The following GAS7 variants were observed in gnomAD, a reference collection of about 807,000 sequenced individuals.
GAS7 encodes the protein growth arrest-specific protein 7.
GAS7 carries 28 observed loss-of-function variants against 71.1 expected under a neutral mutation model. The ratio of observed to expected loss-of-function variants is 0.39; its 90% confidence interval spans 0.29 to 0.54. The LOEUF (loss-of-function observed/expected upper bound fraction) is 0.54, where lower values mean the gene tolerates loss of function less well. GAS7 is among the 20% of genes least tolerant of loss of function. The pLI is 0.62. For missense variants in GAS7, 436 were observed against 627.8 expected (o/e 0.69, Z 3.27); for synonymous variants, 258 against 245.8 (o/e 1.05, Z -0.46).
Position 9,919,607 on chromosome 17 carries a change from C to T in GAS7, c.1218+19G>A, listed in dbSNP as rs753186379. 5.0e-5 allele frequency: 80 copies of T among 1,587,976 alleles called. No homozygotes were observed. Among genetic ancestry groups the T allele is most frequent in the Non-Finnish European group, 6.7e-5 (77 of 1,156,234 alleles). On this transcript the variant is annotated intron_variant, in intron 12 of 13. Coordinates refer to ENST00000432992, the MANE Select transcript of GAS7 (RefSeq NM_201433.2). This position sits in a 1 kb window ranked among gnomAD's most constrained non-coding sequence, Gnocchi z 5.0. ...GTCAGCCTCTGTACTGCCATGTCCA[C>T]ACATCCCTGCCCGCTTACCAATGTG... is the stretch of plus-strand genomic sequence containing the variant.
chr17:10,130,322 TATGA>T (rs2073986616), intron 1 of GAS7, among the ~76,000 whole-genome samples: 1 of 137,584 alleles, frequency 7.3e-6, no homozygotes, highest in African/African-American at 2.7e-5. Context: ...CTAGAACAGC[TATGA>T]TTTAAAAAAA....
intron 2 of GAS7, among the ~76,000 whole-genome samples, chr17:9,988,366 C>A (rs1258756920): frequency 6.6e-6 from 1 of 152,204 alleles, no homozygotes; most frequent in Non-Finnish European, 1.5e-5. Context: ...GTCCTCCAAG[C>A]GAGCCCCATT....
chr17:9,930,256 A>C (rs6503273), intron 9 of GAS7, among the ~76,000 whole-genome samples: 53,827 of 152,054 alleles, frequency 0.35, 9,991 homozygotes, highest in Non-Finnish European at 0.42. Context: ...ATACCTACAG[A>C]CAGGTTCTGA....
chr17:10,069,009 G>A (rs1597771341), intron 1 of GAS7, among the ~76,000 whole-genome samples: 1 of 152,074 alleles, frequency 6.6e-6, no homozygotes, highest in South Asian at 2.1e-4. Context: ...TGGTCATGTA[G>A]GCATCCCCTG....
intron 2 of GAS7, among the ~76,000 whole-genome samples, chr17:9,995,358 C>T (rs1165625207): frequency 6.6e-6 from 1 of 151,838 alleles, no homozygotes; most frequent in African/African-American, 2.4e-5. Flanking sequence ...TGTGTATATG[C>T]ATGTAGATAA....
chr17:9,920,830 C>T (rs948640230), intron 11 of GAS7, among the ~76,000 whole-genome samples: 8 of 152,208 alleles, frequency 5.3e-5, no homozygotes, highest in African/African-American at 7.2e-5. Flanking sequence ...TCTAGTAATT[C>T]TAGAAGCAGA....
chr17:10,125,944 G>A (rs1189958893), intron 1 of GAS7, among the ~76,000 whole-genome samples: 2 of 152,184 alleles, frequency 1.3e-5, no homozygotes, highest in Non-Finnish European at 2.9e-5. Context: ...GAGCCAGAGA[G>A]AGCTGGACAA....
At chr17:9,938,499 A>C (rs1156591170) in intron 8 of GAS7, among the ~76,000 whole-genome samples, 2 of 147,452 alleles carry the variant, frequency 1.4e-5, no homozygotes, top group Non-Finnish European at 3.0e-5. Context: ...AAAAATAGAC[A>C]TCACAGAGCT....
chr17:10,063,916 G>A (rs1173842655), intron 1 of GAS7, among the ~76,000 whole-genome samples: 2 of 152,042 alleles, frequency 1.3e-5, no homozygotes, highest in African/African-American at 2.4e-5. Flanking sequence ...TTTCTTTGTT[G>A]CCTCAATGCC....
intron 11 of GAS7, among the ~76,000 whole-genome samples, chr17:9,923,248 C>CA (rs11413957): frequency 0.15 from 20,457 of 135,286 alleles, 1,391 homozygotes; most frequent in Admixed American, 0.18. Context: ...ACACCTGAAA[C>CA]AAAAAAAAAA....
intron 2 of GAS7, among the ~76,000 whole-genome samples, chr17:9,995,532 A>T (rs1398342055): frequency 1.7e-5 from 1 of 57,374 alleles, no homozygotes; most frequent in African/African-American, 9.1e-5. Context: ...ATTGCAAATG[A>T]TCAATAACAA....
chr17:10,171,327 T>TGACAGC (rs1567619124), intron 1 of GAS7, among the ~76,000 whole-genome samples: 1 of 152,306 alleles, frequency 6.6e-6, no homozygotes, highest in East Asian at 1.9e-4. Flanking sequence ...AGCAGGGCTC[T>TGACAGC]GACAGCGAAC....
At chr17:10,027,295 C>G (rs1365850607) in intron 1 of GAS7, among the ~76,000 whole-genome samples, 1 of 152,162 alleles carries the variant, frequency 6.6e-6, no homozygotes, top group Non-Finnish European at 1.5e-5. Flanking sequence ...AGGAACTAGG[C>G]TTCAGAAATA....
At chr17:10,057,957 C>T (rs571661386) in intron 1 of GAS7, among the ~76,000 whole-genome samples, 14 of 152,128 alleles carry the variant, frequency 9.2e-5, no homozygotes, top group South Asian at 6.2e-4. Flanking sequence ...CCCCCAACCC[C>T]GTGCTCTCTG....
At chr17:10,175,599 AG>A (rs1176859367) in intron 1 of GAS7, among the ~76,000 whole-genome samples, 6 of 30,958 alleles carry the variant, frequency 1.9e-4, no homozygotes, top group Admixed American at 1.2e-3. Flanking sequence ...CATTTTATTT[AG>A]TTAGTTAGTT....
At chr17:10,071,933 T>G (rs992733485) in intron 1 of GAS7, among the ~76,000 whole-genome samples, 1 of 114,170 alleles carries the variant, frequency 8.8e-6, no homozygotes. Context: ...TGAGACTCCA[T>G]CTCAAGAAAA....
chr17:10,045,643 G>A (rs1422848141), intron 1 of GAS7, among the ~76,000 whole-genome samples: 1 of 152,232 alleles, frequency 6.6e-6, no homozygotes, highest in Non-Finnish European at 1.5e-5. Context: ...ATTGCAGTGA[G>A]CTGAGATCGC....
At chr17:10,005,216 C>A (rs544160952) in intron 2 of GAS7, among the ~76,000 whole-genome samples, 3 of 125,432 alleles carry the variant, frequency 2.4e-5, no homozygotes, top group African/African-American at 4.4e-5. Context: ...TGCATGTGCG[C>A]GTGTGCATGT....
intron 1 of GAS7, among the ~76,000 whole-genome samples, chr17:10,057,628 T>C (rs1193490400): frequency 7.0e-6 from 1 of 142,772 alleles, no homozygotes; most frequent in Non-Finnish European, 1.5e-5. Context: ...GGGAGGGAGG[T>C]GGGGAGCAGC....
Sources: allele counts gnomAD v4.1 joint callset (sites outside exome capture counted in the v4.1 genomes callset), GRCh38; gene constraint gnomAD v4.1.1; non-coding constraint Gnocchi (gnomAD v3.1); transcripts MANE v1.5; gene names NCBI Gene and HGNC (gene_info 2026-07-23, HGNC 2026-07-21).